Variants in PRR12 observed in about 807,000 individuals in gnomAD.
PRR12 encodes the protein proline rich 12, also known as proline-rich protein 12.
PRR12 carries 12 observed loss-of-function variants against 138.0 expected under a neutral mutation model. That is an observed-to-expected ratio of 0.09 (90% confidence interval 0.06 to 0.14). The LOEUF is 0.14. PRR12 is among the 10% of genes least tolerant of loss of function. PRR12 has a pLI of 1.00. For synonymous variants in PRR12, 1,567 were observed against 1,291.7 expected, an observed-to-expected ratio of 1.21 and a Z score of -4.57; for missense variants, 2,692 against 2,861.3, an observed-to-expected ratio of 0.94 and a Z score of 1.35.
In PRR12 at chr19:49,597,230, C is replaced by G. The variant is rs780221277; in HGVS notation, c.2895C>G (p.Ala965=). Residue 965 remains alanine (A), a synonymous_variant, in exon 4 of 14, where the codon GCC becomes GCG. Coordinates refer to ENST00000418929, the MANE Select transcript of PRR12 (RefSeq NM_020719.3). This position sits in a 1 kb window ranked among gnomAD's most constrained non-coding sequence, Gnocchi z 6.3. ...GGGAADDYGK[A]GPPEDEGDPK... ...GGGCCGCGGACGACTACGGCAAGGC[C>G]GGGCCACCTGAGGACGAGGGGGACC... 3 of 1,568,970 alleles carry G rather than the reference C, an allele frequency of 1.9e-6. No homozygotes were observed. The highest frequency in any genetic ancestry group is 2.6e-6 in the Non-Finnish European group (3 of 1,157,370).
At chr19:49,592,215 C>A (rs895482804) in intron 1 of PRR12, among the ~76,000 whole-genome samples, 1 of 152,230 alleles carries the variant, frequency 6.6e-6, no homozygotes, top group Non-Finnish European at 1.5e-5. Context: ...GGCGCCCCCC[C>A]AAGAATTCCG....
intron 10 of PRR12, 39 bp from the exon 11 acceptor site, chr19:49,621,486 A>C (rs1318141332): frequency 6.6e-7 from 1 of 1,505,586 alleles, no homozygotes; most frequent in East Asian, 2.4e-5. Context: ...GTGCTTTGTG[A>C]GGCTGTGGCC....
chr19:49,595,034 CCCACCA>C lies in PRR12; in HGVS notation c.705_710del (p.Pro237_Pro238del). On this transcript the variant is annotated inframe_deletion, in exon 4 of 14. Coordinates refer to ENST00000418929, the MANE Select transcript of PRR12 (RefSeq NM_020719.3). ...CCCCTTACCGCCCTGGCCCCCCAGA[CCCACCA>C]CCACCTCCTCGCCACCTCCCAACTC... 2 of 1,607,618 alleles carry C rather than the reference CCCACCA, an allele frequency of 1.2e-6. No homozygotes were observed. The highest frequency in any genetic ancestry group is 1.7e-6 in the Non-Finnish European group (2 of 1,177,944).
Position 49,596,127 on chromosome 19 carries a change from C to T in PRR12, c.1792C>T (p.Pro598Ser), listed in dbSNP as rs1364651575. 6.2e-7 allele frequency: 1 copy of T among 1,604,738 alleles called. No homozygotes were observed. The highest frequency in any genetic ancestry group is 1.1e-5 in the South Asian group (1 of 91,090). The change falls in exon 4 of 14, where the codon CCT becomes TCT. Residue 598 changes from proline to serine, a missense_variant. This residue lies in a region of PRR12 where 66 missense variants were observed against 102.4 expected (regional missense o/e 0.64). Transcript: ENST00000418929. This position sits in a 1 kb window ranked among gnomAD's most constrained non-coding sequence, Gnocchi z 5.6. ...KYLSSVLASAPFLAPPGAGSY... is the reference protein window; with the variant it reads ...KYLSSVLASASFLAPPGAGSY... Reference sequence around the variant, plus strand: ...CCTGAGCTCAGTCTTGGCCTCAGCGCCTTTCCTGGCACCTCCGGGAGCTGG... The same window carrying T: ...CCTGAGCTCAGTCTTGGCCTCAGCGTCTTTCCTGGCACCTCCGGGAGCTGG...
Position 49,599,394 on chromosome 19 carries a change from T to C in PRR12, c.3801T>C (p.Ile1267=), listed in dbSNP as rs80139038. 4.5e-3 allele frequency: 7,221 copies of C among 1,612,326 alleles called. 296 individuals are homozygous for C. The African/African-American group carries it at 0.084, about 19-fold the overall frequency. Residue 1267 remains isoleucine (I), a synonymous_variant, in exon 5 of 14, where the codon ATT becomes ATC. Coordinates refer to ENST00000418929, the MANE Select transcript of PRR12 (RefSeq NM_020719.3). This position sits in a 1 kb window ranked among gnomAD's most constrained non-coding sequence, Gnocchi z 5.0. ...CTCGGGAGAAGATCGAGGCCAAGAT[T>C]AAGGAGGTGGAGGAGAAGCAGCCGG... The part of the protein sequence containing the change: ...SLTREKIEAK[I]KEVEEKQPEM...
chr19:49,599,140 G>T lies in PRR12; in HGVS notation c.3679-132G>T, dbSNP rs570084135. On this transcript the variant is annotated intron_variant, in intron 4 of 13. Transcript: ENST00000418929. This position sits in a 1 kb window ranked among gnomAD's most constrained non-coding sequence, Gnocchi z 5.0. ...CTTGTCCTCCTAGAATCTAAGACAA[G>T]GGGTCTGCAGGTTTGAATTCTATAA... 7.2e-5 allele frequency: 61 copies of T among 846,922 alleles called. 1 individual carries two copies. The South Asian group carries it at 1.1e-3, about 15-fold the overall frequency. 52.5% of individuals were successfully genotyped at this position (846,922 alleles called of 1,614,324 possible). A position where few individuals can be genotyped will look rare whatever the true frequency, so the allele number is the denominator to read the frequency against.
Position 49,597,266 on chromosome 19 carries a change from C to T in PRR12, c.2931C>T (p.Gly977=), listed in dbSNP as rs1014504470. The T allele has an allele frequency of 2.5e-6, 4 of 1,570,238 alleles. No individual in the cohort carries two copies. Among genetic ancestry groups the T allele is most frequent in the East Asian group, 2.3e-5 (1 of 42,838 alleles). ...AGGACGAGGGGGACCCCAAGGCTGGCGCTGGGCCACCCCCCGGCCCCCCTG... is the reference window on the plus strand; with the variant it reads ...AGGACGAGGGGGACCCCAAGGCTGGTGCTGGGCCACCCCCCGGCCCCCCTG... The part of the protein sequence containing the change: ...PPEDEGDPKA[G]AGPPPGPPAY... The change falls in exon 4 of 14, where the codon GGC becomes GGT. Residue 977 remains glycine, a synonymous_variant. Transcript: ENST00000418929. This position sits in a 1 kb window ranked among gnomAD's most constrained non-coding sequence, Gnocchi z 6.3.
chr19:49,624,923 G>A lies in PRR12; in HGVS notation c.5801G>A (p.Arg1934Gln), dbSNP rs759352031. The A allele has an allele frequency of 1.2e-6, 2 of 1,603,046 alleles. No homozygotes were observed. Among genetic ancestry groups the A allele is most frequent in the Middle Eastern group, 1.8e-4 (1 of 5,648 alleles). The change falls in exon 12 of 14, where the codon CGG becomes CAG. Residue 1934 changes from arginine to glutamine, a missense_variant. Physicochemically the swap from Arg to Gln is conservative, Grantham distance 43. Coordinates refer to ENST00000418929, the MANE Select transcript of PRR12 (RefSeq NM_020719.3). Reference protein sequence around the residue: ...GSPEEGAVRLRPAGEPYNRKT... With the variant: ...GSPEEGAVRLQPAGEPYNRKT... The stretch of plus-strand genomic sequence containing the variant: ...CCGGAAGAGGGGGCTGTGCGGCTGC[G>A]GCCTGCTGGGGAACCCTACAACCGC...
In PRR12 at chr19:49,616,980, AT is replaced by A. The variant is rs1258859698; in HGVS notation, c.5497+763del. Among the ~76,000 whole-genome samples, 1 of 152,042 alleles carries A rather than the reference AT, an allele frequency of 6.6e-6. No homozygotes were observed. The highest frequency in any genetic ancestry group is 2.4e-5 in the African/African-American group (1 of 41,396). ...CCCGGCTTTACTAAAAAATACAAAA[AT>A]TAGCCCAGCATGGTGGCGTGTGCCT... On this transcript the variant is annotated intron_variant, in intron 9 of 13. Transcript: ENST00000418929. The surrounding 1 kb of genome is among the most constrained non-coding windows in gnomAD (Gnocchi z 4.2).
At chr19:49,592,931 T>A (rs933705699) in intron 1 of PRR12, among the ~76,000 whole-genome samples, 1 of 151,754 alleles carries the variant, frequency 6.6e-6, no homozygotes. Context: ...CATGTGGACC[T>A]CTGGCGTTGG....
At chr19:49,607,357 G>A (rs77861441) in intron 6 of PRR12, among the ~76,000 whole-genome samples, 83 of 131,620 alleles carry the variant, frequency 6.3e-4, no homozygotes, top group African/African-American at 2.7e-3. Context: ...TGTCATGTAC[G>A]TGTGCACACA....
chr19:49,620,715 TGG>T (rs1265851174), intron 10 of PRR12, among the ~76,000 whole-genome samples: 4 of 134,132 alleles, frequency 3.0e-5, no homozygotes, highest in Non-Finnish European at 6.3e-5. Context: ...CCTGGACTCC[TGG>T]GTCTGAGGGA....
chr19:49,597,374 C>T lies in PRR12; in HGVS notation c.3039C>T (p.Asn1013=). The change falls in exon 4 of 14, where the codon AAC becomes AAT. Residue 1013 remains asparagine (N), a synonymous_variant. Coordinates refer to ENST00000418929, the MANE Select transcript of PRR12 (RefSeq NM_020719.3). This position sits in a 1 kb window ranked among gnomAD's most constrained non-coding sequence, Gnocchi z 6.3. ...PETPGLGLDP[N]KPPELPSTVN... ...CACCGGGCCTGGGCCTGGACCCCAA[C>T]AAACCGCCTGAACTGCCCTCCACGG... 6.5e-7 allele frequency: 1 copy of T among 1,538,258 alleles called. No homozygotes were observed. Among genetic ancestry groups the T allele is most frequent in the Non-Finnish European group, 8.7e-7 (1 of 1,146,678 alleles).
chr19:49,620,509 G>A (rs367569334), intron 10 of PRR12, 32 bp downstream of exon 10: 8 of 1,511,470 alleles, frequency 5.3e-6, no homozygotes, highest in African/African-American at 4.1e-5. Context: ...AGGGGGGGGG[G>A]CTGACTCGGT....
In PRR12 at chr19:49,621,565, G is replaced by T. The variant is rs1375118233; in HGVS notation, c.5664G>T (p.Leu1888=). ...CCCCCATGCGGAAGATAGACGGCCT[G>T]CTGAATGAGCACAAGAAGAAAGTCC... ...YLPPMRKIDG[L]LNEHKKKVLK... The change falls in exon 11 of 14, where the codon CTG becomes CTT. Residue 1888 remains leucine (L), a synonymous_variant. Coordinates refer to ENST00000418929, the MANE Select transcript of PRR12 (RefSeq NM_020719.3). The T allele has an allele frequency of 6.2e-7, 1 of 1,607,606 alleles. No homozygotes were observed.
chr19:49,595,708 G>A lies in PRR12; in HGVS notation c.1373G>A (p.Gly458Glu). The A allele has an allele frequency of 6.3e-6, 10 of 1,592,016 alleles. No homozygotes were observed. Among genetic ancestry groups the A allele is most frequent in the Non-Finnish European group, 7.7e-6 (9 of 1,169,740 alleles). Residue 458 changes from glycine to glutamate, a missense_variant, in exon 4 of 14, where the codon GGG becomes GAG. Around this residue, in one of 11 missense-constraint regions of PRR12, gnomAD observed 523 missense variants for 496.4 expected, o/e 1.05. Transcript: ENST00000418929. ...PQGLLGPQAY[G>E]QGFGGGQAQD... is the part of the protein sequence containing the mutation. ...GGGCTTCTGGGACCCCAGGCCTACG[G>A]GCAAGGGTTTGGAGGGGGGCAGGCA...
In PRR12 at chr19:49,595,327, G is replaced by C. The variant is rs778674769; in HGVS notation, c.992G>C (p.Cys331Ser). 1.9e-6 allele frequency: 3 copies of C among 1,544,600 alleles called. No homozygotes were observed. The highest frequency in any genetic ancestry group is 2.4e-5 in the South Asian group (2 of 83,682). The stretch of plus-strand genomic sequence containing the variant: ...ATGGGCCACCGGGCCAACCTGGCCT[G>C]CAGCCCCCTGGGTGGTGGGGAGCCC... ...PSMGHRANLA[C>S]SPLGGGEPSP... Residue 331 changes from cysteine to serine, a missense_variant, in exon 4 of 14, where the codon TGC (cysteine) becomes TCC (serine). By Grantham distance (112) the Cys-to-Ser change is moderately radical. Around this residue, in one of 11 missense-constraint regions of PRR12, gnomAD observed 523 missense variants for 496.4 expected, o/e 1.05. Coordinates refer to ENST00000418929, the MANE Select transcript of PRR12 (RefSeq NM_020719.3).
At chr19:49,615,280 G>A (rs1277591909) in intron 8 of PRR12, among the ~76,000 whole-genome samples, 1 of 151,322 alleles carries the variant, frequency 6.6e-6, no homozygotes, top group Non-Finnish European at 1.5e-5. Flanking sequence ...GACGCATGAG[G>A]GAGACGGAGA....
rs1218001426 is a variant in PRR12 at position 49,596,570 on chromosome 19, T to C, written c.2235T>C (p.Ser745=). The change falls in exon 4 of 14, where the codon TCT becomes TCC. Residue 745 remains serine (S), a synonymous_variant. Transcript: ENST00000418929. This position sits in a 1 kb window ranked among gnomAD's most constrained non-coding sequence, Gnocchi z 5.6. ...GGETPEGLAT[S]VVHYGAGAKE... ...AGACCCCCGAGGGGCTGGCCACCTC[T>C]GTTGTCCACTACGGGGCAGGCGCCA... is the stretch of plus-strand genomic sequence containing the variant. The C allele has an allele frequency of 6.2e-7, 1 of 1,602,390 alleles. No homozygotes were observed. Among genetic ancestry groups the C allele is most frequent in the Admixed American group, 1.7e-5 (1 of 58,460 alleles).
Sources: allele counts gnomAD v4.1 joint callset (sites outside exome capture counted in the v4.1 genomes callset), GRCh38; gene constraint gnomAD v4.1.1; regional missense constraint gnomAD v4.1.1; non-coding constraint Gnocchi (gnomAD v3.1); transcripts MANE v1.5; gene names NCBI Gene and HGNC (gene_info 2026-07-23, HGNC 2026-07-21).